MSL3B: variants seen among roughly 807,000 people sequenced by gnomAD.
The protein encoded by MSL3B is MSL complex subunit 3 pseudogene 1.
the MSL3B span, chr2:233,868,136 CATCT>C: frequency 2.7e-6 from 1 of 374,746 alleles, no homozygotes; most frequent in Non-Finnish European, 5.5e-6. Flanking sequence ...TTCGGCTACC[CATCT>C]ATCCCAGCTT....
At chr2:233,868,216 A>G in the MSL3B span, 2 of 451,116 alleles carry the variant, frequency 4.4e-6, no homozygotes, top group Non-Finnish European at 9.2e-6. Flanking sequence ...CTTTCCCAAC[A>G]ATAACATTAA....
At chr2:233,866,104 G>A in the MSL3B span, 1 of 548,504 alleles carries the variant, frequency 1.8e-6, no homozygotes, top group African/African-American at 1.9e-5. Flanking sequence ...GCTAGATGGA[G>A]CAGTTGTTCT....
chr2:233,866,834 G>T, the MSL3B span: 2 of 1,050,448 alleles, frequency 1.9e-6, no homozygotes, highest in Non-Finnish European at 3.0e-6. Flanking sequence ...AACCTTAGAT[G>T]CAGTCACCTT....
At chr2:233,866,862 C>G in the MSL3B span, 1 of 1,345,220 alleles carries the variant, frequency 7.4e-7, no homozygotes, top group Non-Finnish European at 1.1e-6. Context: ...TGAGCTTGTT[C>G]ATAGGGATAG....
At chr2:233,867,635 C>G in the MSL3B span, among the ~76,000 whole-genome samples, 1 of 151,280 alleles carries the variant, frequency 6.6e-6, no homozygotes, top group Non-Finnish European at 1.5e-5. Flanking sequence ...ACCACCATGT[C>G]CTGCTAATTG....
the MSL3B span, chr2:233,868,238 G>A: frequency 6.1e-4 from 245 of 398,810 alleles, 1 homozygote; most frequent in African/African-American, 4.0e-3. Context: ...AATCTAGGTC[G>A]GACGGCGTCC....
the MSL3B span, chr2:233,868,210 C>A: frequency 2.2e-6 from 1 of 455,160 alleles, no homozygotes; most frequent in South Asian, 1.7e-5. Context: ...TTTCGCCTTT[C>A]CCAACAATAA....
the MSL3B span, chr2:233,866,485 C>A: frequency 7.9e-7 from 1 of 1,263,304 alleles, no homozygotes; most frequent in Non-Finnish European, 1.2e-6. Flanking sequence ...GGCTAGGAGT[C>A]AGAGTAGGTG....
the MSL3B span, chr2:233,867,251 T>C: frequency 5.3e-6 from 4 of 756,244 alleles, no homozygotes; most frequent in African/African-American, 5.2e-5. Flanking sequence ...TTCTTCAATA[T>C]CACATTCTTC....
At chr2:233,865,331 A>C in the MSL3B span, 1 of 152,160 alleles carries the variant, frequency 6.6e-6, no homozygotes, top group African/African-American at 2.4e-5. Flanking sequence ...TATTTTCCTA[A>C]GTAATCATTT....
At chr2:233,866,646 G>A in the MSL3B span, 4 of 792,802 alleles carry the variant, frequency 5.0e-6, no homozygotes, top group African/African-American at 1.7e-5. Flanking sequence ...GGCGAGGACC[G>A]CCTCAGAGAC....
At chr2:233,866,412 G>C in the MSL3B span, 487 of 1,138,292 alleles carry the variant, frequency 4.3e-4, no homozygotes, top group Non-Finnish European at 6.0e-4. Context: ...TTCCAGGAGA[G>C]GACCTCATTT....
chr2:233,867,667 G>A, the MSL3B span, among the ~76,000 whole-genome samples: 11 of 151,640 alleles, frequency 7.3e-5, no homozygotes, highest in South Asian at 2.3e-3. Flanking sequence ...TAGCAGAGAC[G>A]GGGTTTCACC....
At chr2:233,866,628 C>A in the MSL3B span, 5 of 798,728 alleles carry the variant, frequency 6.3e-6, no homozygotes, top group Non-Finnish European at 1.1e-5. Flanking sequence ...TCACAGTTGG[C>A]GGTGTGGGGC....
the MSL3B span, among the ~76,000 whole-genome samples, chr2:233,864,926 T>TA: frequency 0.4 from 61,151 of 152,006 alleles, 14,364 homozygotes; most frequent in Middle Eastern, 0.52. Flanking sequence ...TCTGGACACT[T>TA]ACGGGTTTTG....
chr2:233,868,267 G>T, the MSL3B span: 1 of 354,824 alleles, frequency 2.8e-6, no homozygotes, highest in Admixed American at 2.8e-5. Context: ...CGTCCCACGG[G>T]AGCCTACGCG....
the MSL3B span, chr2:233,866,731 C>G: frequency 1.3e-6 from 1 of 795,168 alleles, no homozygotes; most frequent in Admixed American, 1.7e-5. Flanking sequence ...TCTCTGTAGA[C>G]TGCGGCCTGG....
At chr2:233,867,159 C>T in the MSL3B span, 3 of 796,922 alleles carry the variant, frequency 3.8e-6, no homozygotes, top group Non-Finnish European at 6.9e-6. Context: ...CTCTTCAGAA[C>T]TTCAGGGATT....
chr2:233,867,375 A>G, the MSL3B span: 1 of 571,316 alleles, frequency 1.8e-6, no homozygotes, highest in Non-Finnish European at 3.2e-6. Flanking sequence ...CAGAGTCAGC[A>G]CCAAGCAACC....
Sources: allele counts gnomAD v4.1 joint callset (sites outside exome capture counted in the v4.1 genomes callset), GRCh38; gene constraint gnomAD v4.1.1; transcripts MANE v1.5; gene names NCBI Gene and HGNC (gene_info 2026-07-23, HGNC 2026-07-21).